The following COLEC10 variants were observed in gnomAD, a reference collection of about 807,000 sequenced individuals.
The protein encoded by COLEC10 is collectin-10.
Under a neutral mutation model 28.4 loss-of-function variants are expected in COLEC10, and 22 were observed. The ratio of observed to expected loss-of-function variants is 0.78; its 90% CI spans 0.55 to 1.11. The LOEUF (loss-of-function observed/expected upper bound fraction) is 1.11. Among genes scored for constraint, COLEC10 ranks in the 50% least tolerant of loss-of-function variants. The pLI, the probability that COLEC10 is intolerant of heterozygous loss-of-function variation, is 0.00. For synonymous variants in COLEC10, 125 were observed against 116.1 expected (o/e 1.08, Z -0.49); for missense variants, 361 against 344.1 (o/e 1.05, Z -0.39).
In COLEC10 at chr8:119,058,127, TC is replaced by T. The variant is rs1814794401; in HGVS notation, n.236-31552del. 3.3e-5 allele frequency among the ~76,000 whole-genome samples: 5 copies of T among 152,148 alleles called. No individual in the cohort carries two copies. The Middle Eastern group carries it at 0.014, about 414-fold the overall frequency. ...CTAACTTCCTGAATCTACAAGGACTTCTCTCCAAAATAGAGTCAAAATACAA... is the reference window on the plus strand; with the variant it reads ...CTAACTTCCTGAATCTACAAGGACTTTCTCCAAAATAGAGTCAAAATACAA... On this transcript the variant is annotated intron_variant and non_coding_transcript_variant, in intron 2 of 6. Coordinates refer to the COLEC10 transcript ENST00000521788.
chr8:118,952,417 T>G, the COLEC10 span, among the ~76,000 whole-genome samples: 5 of 152,254 alleles, frequency 3.3e-5, no homozygotes, highest in Non-Finnish European at 7.3e-5. Context: ...ACCCCTTCAC[T>G]TCGGGTTCTG....
intron 1 of COLEC10, among the ~76,000 whole-genome samples, chr8:119,089,178 G>A (rs1815539692): frequency 6.6e-6 from 1 of 152,186 alleles, no homozygotes; most frequent in South Asian, 2.1e-4. Flanking sequence ...AGCTACAGTT[G>A]CCTATGATTA....
At chr8:119,001,691 A>G (rs1586991276) in intron 1 of COLEC10, among the ~76,000 whole-genome samples, 1 of 136,542 alleles carries the variant, frequency 7.3e-6, no homozygotes, top group African/African-American at 3.0e-5. Context: ...TTTACCAGAC[A>G]CCAGCCAAAA....
intron 2 of COLEC10, among the ~76,000 whole-genome samples, chr8:119,029,223 T>G (rs1284022484): frequency 6.6e-6 from 1 of 152,136 alleles, no homozygotes; most frequent in Non-Finnish European, 1.5e-5. Flanking sequence ...GGAACTTAAT[T>G]AGTGCGGGAG....
At chr8:118,990,473 C>T (rs1274221812), upstream of COLEC10, among the ~76,000 whole-genome samples, 2 of 152,026 alleles carry the variant, frequency 1.3e-5, no homozygotes, top group Non-Finnish European at 2.9e-5. Context: ...GGAAGATGGA[C>T]CTGAATTTTC....
chr8:119,006,218 G>A (rs970559396), intron 1 of COLEC10, among the ~76,000 whole-genome samples: 4 of 152,208 alleles, frequency 2.6e-5, no homozygotes, highest in African/African-American at 7.2e-5. Flanking sequence ...AATGGTGTAA[G>A]TGGACCTGAG....
intron 1 of COLEC10, among the ~76,000 whole-genome samples, chr8:119,079,007 ACAC>A (rs1815311518): frequency 9.5e-5 from 2 of 20,980 alleles, no homozygotes; most frequent in African/African-American, 7.8e-4. Flanking sequence ...ACACACACAC[ACAC>A]ACACACACAC....
chr8:119,036,470 C>T (rs904359148), intron 2 of COLEC10, among the ~76,000 whole-genome samples: 1 of 151,888 alleles, frequency 6.6e-6, no homozygotes, highest in Non-Finnish European at 1.5e-5. Context: ...ATGCAATTGC[C>T]GAATCCAATA....
At chr8:119,026,851 G>A (rs1416652184) in intron 2 of COLEC10, among the ~76,000 whole-genome samples, 1 of 152,184 alleles carries the variant, frequency 6.6e-6, no homozygotes, top group Non-Finnish European at 1.5e-5. Flanking sequence ...CCATACCTTT[G>A]CAAACTTGCA....
chr8:119,064,226 T>A (rs552426502), upstream of COLEC10, among the ~76,000 whole-genome samples: 8 of 152,312 alleles, frequency 5.3e-5, no homozygotes, highest in South Asian at 1.7e-3. Context: ...GTGAATTCTC[T>A]GTAGCAATTT....
At chr8:119,046,239 T>G (rs561108616) in intron 2 of COLEC10, among the ~76,000 whole-genome samples, 1 of 141,190 alleles carries the variant, frequency 7.1e-6, no homozygotes, top group South Asian at 2.2e-4. Context: ...TTTGTGATCT[T>G]TTTTTTTCTC....
chr8:119,084,243 A>G (rs16891976), intron 1 of COLEC10, among the ~76,000 whole-genome samples: 3,621 of 152,250 alleles, frequency 0.024, 57 homozygotes, highest in South Asian at 0.077. Flanking sequence ...TGAGAGTTTA[A>G]ATATCATAGC....
At chr8:119,037,199 T>C (rs1248427127) in intron 2 of COLEC10, among the ~76,000 whole-genome samples, 1 of 152,194 alleles carries the variant, frequency 6.6e-6, no homozygotes, top group Non-Finnish European at 1.5e-5. Flanking sequence ...GATCAGAATC[T>C]ATACTTTCTT....
chr8:118,990,638 C>T (rs1365479222), upstream of COLEC10, among the ~76,000 whole-genome samples: 4 of 152,084 alleles, frequency 2.6e-5, no homozygotes, highest in South Asian at 8.3e-4. Context: ...CATTTAAACA[C>T]CATCTTCATT....
the COLEC10 span, among the ~76,000 whole-genome samples, chr8:118,990,042 A>G: frequency 1.3e-5 from 2 of 151,930 alleles, no homozygotes; most frequent in Non-Finnish European, 2.9e-5. Flanking sequence ...GTGGAACTGT[A>G]ACAATAACAA....
chr8:119,080,225 G>T (rs1464559857), intron 1 of COLEC10, among the ~76,000 whole-genome samples: 1 of 152,050 alleles, frequency 6.6e-6, no homozygotes, highest in East Asian at 1.9e-4. Context: ...TCTGGGCATA[G>T]ATCATATCTT....
chr8:119,098,337 TC>T (rs746534317), intron 3 of COLEC10, among the ~76,000 whole-genome samples: 4 of 152,066 alleles, frequency 2.6e-5, no homozygotes, highest in Non-Finnish European at 5.9e-5. Flanking sequence ...TGGATGAACT[TC>T]CAGAGATGTT....
the COLEC10 span, among the ~76,000 whole-genome samples, chr8:118,989,534 TACACACACACACAC>T: frequency 6.9e-4 from 89 of 128,720 alleles, no homozygotes; most frequent in Admixed American, 1.1e-3. Flanking sequence ...ACAGACAAAA[TACACACACACACAC>T]ACACACACAC....
the COLEC10 span, among the ~76,000 whole-genome samples, chr8:118,956,767 A>T: frequency 9.3e-3 from 1,412 of 152,310 alleles, 5 homozygotes; most frequent in Non-Finnish European, 0.016. Flanking sequence ...ATGTAACTTG[A>T]TCATCTCTAA....
Sources: allele counts gnomAD v4.1 joint callset (sites outside exome capture counted in the v4.1 genomes callset), GRCh38; gene constraint gnomAD v4.1.1; transcripts MANE v1.5; gene names NCBI Gene and HGNC (gene_info 2026-07-23, HGNC 2026-07-21).